LRTM3: variants seen among roughly 807,000 people sequenced by gnomAD.
LRTM3 encodes the protein leucine-rich repeat transmembrane protein 3.
the LRTM3 span, chr13:102,744,953 G>C: frequency 6.4e-7 from 1 of 1,550,434 alleles, no homozygotes; most frequent in Admixed American, 2.0e-5. Flanking sequence ...ACGTTTTATT[G>C]CACCAGTTAA....
the LRTM3 span, chr13:102,733,256 C>A: frequency 6.4e-7 from 1 of 1,551,340 alleles, no homozygotes; most frequent in Non-Finnish European, 8.7e-7. Context: ...GGTGACGATA[C>A]TTATTTTTTT....
the LRTM3 span, chr13:102,737,344 T>G: frequency 1.3e-6 from 2 of 1,551,076 alleles, no homozygotes; most frequent in South Asian, 1.2e-5. Flanking sequence ...AGTCTTCCTC[T>G]CCTTCTTTTC....
chr13:102,739,478 G>A, the LRTM3 span: 12 of 1,550,370 alleles, frequency 7.7e-6, no homozygotes, highest in Middle Eastern at 3.3e-4. Context: ...ACCTGCTTTT[G>A]TTCTTGAATT....
the LRTM3 span, chr13:102,739,444 C>T: frequency 3.2e-6 from 5 of 1,550,310 alleles, no homozygotes; most frequent in Non-Finnish European, 4.4e-6. Context: ...GAAGGCAGCC[C>T]TTTAGAGTTC....
At chr13:102,758,688 C>G in the LRTM3 span, 11 of 1,524,478 alleles carry the variant, frequency 7.2e-6, no homozygotes, top group Non-Finnish European at 8.9e-6. Context: ...GGGAAATCAA[C>G]CATTTATTCT....
the LRTM3 span, chr13:102,736,272 T>C: frequency 2.0e-5 from 31 of 1,550,936 alleles, no homozygotes; most frequent in Non-Finnish European, 2.5e-5. Flanking sequence ...TGTCCTGCTC[T>C]CTCTTTCATG....
At chr13:102,748,723 T>C in the LRTM3 span, 1 of 1,549,764 alleles carries the variant, frequency 6.5e-7, no homozygotes, top group Non-Finnish European at 8.7e-7. Flanking sequence ...CTTGTGTAAT[T>C]GAGTCTTTAA....
chr13:102,743,284 T>C, the LRTM3 span: 4 of 1,550,618 alleles, frequency 2.6e-6, no homozygotes, highest in Admixed American at 7.9e-5. Flanking sequence ...GTGTATGACT[T>C]AACCCTGATA....
the LRTM3 span, among the ~76,000 whole-genome samples, chr13:102,758,257 T>C: frequency 6.6e-6 from 1 of 152,186 alleles, no homozygotes; most frequent in Non-Finnish European, 1.5e-5. Flanking sequence ...GCTTGGAGCA[T>C]AGCAACAATT....
chr13:102,743,250 C>T, the LRTM3 span: 1 of 1,550,698 alleles, frequency 6.4e-7, no homozygotes, highest in East Asian at 2.4e-5. Context: ...ATCCCTTCAG[C>T]TAGTGACTCT....
chr13:102,739,859 T>C, the LRTM3 span: 3 of 1,550,136 alleles, frequency 1.9e-6, no homozygotes, highest in Admixed American at 5.9e-5. Flanking sequence ...CATTCTATGT[T>C]TCACATTGAC....
At chr13:102,735,551 T>G in the LRTM3 span, 2 of 1,551,122 alleles carry the variant, frequency 1.3e-6, no homozygotes, top group Non-Finnish European at 1.7e-6. Context: ...ACTTTTCCAC[T>G]GCAATTTTTT....
chr13:102,735,114 T>C, the LRTM3 span: 3 of 1,551,296 alleles, frequency 1.9e-6, no homozygotes. Context: ...CCTGGCCCAC[T>C]TTTAACTTTC....
chr13:102,731,130 T>A, the LRTM3 span: 5 of 1,551,362 alleles, frequency 3.2e-6, no homozygotes, highest in Non-Finnish European at 4.4e-6. Flanking sequence ...ACTGCAGATG[T>A]TCCATTTTCT....
the LRTM3 span, chr13:102,733,827 G>T: frequency 1.3e-6 from 2 of 1,551,412 alleles, no homozygotes; most frequent in Non-Finnish European, 1.7e-6. Flanking sequence ...GTCAACTGTT[G>T]CTCTGCCTCT....
the LRTM3 span, chr13:102,750,230 G>A: frequency 6.4e-7 from 1 of 1,551,340 alleles, no homozygotes; most frequent in South Asian, 1.2e-5. Context: ...ATTTGAAGAT[G>A]GCACATGACT....
chr13:102,748,654 G>A, the LRTM3 span: 1 of 1,550,538 alleles, frequency 6.4e-7, no homozygotes, highest in Middle Eastern at 1.7e-4. Context: ...TTGGAATATG[G>A]AGATCAAATG....
the LRTM3 span, chr13:102,739,055 A>G: frequency 6.4e-7 from 1 of 1,550,528 alleles, no homozygotes; most frequent in South Asian, 1.2e-5. Context: ...TGAAAGACAG[A>G]ATCTTGTTAT....
the LRTM3 span, chr13:102,735,919 C>A: frequency 1.3e-6 from 2 of 1,541,436 alleles, no homozygotes; most frequent in African/African-American, 2.7e-5. Flanking sequence ...GTACTCCTTC[C>A]CCTTGCTCTT....
Sources: gnomAD v4.1 joint callset for allele counts (sites outside exome capture counted in the v4.1 genomes callset) on GRCh38, gnomAD v4.1.1 for gene constraint, MANE v1.5 for transcripts, NCBI Gene and HGNC (gene_info 2026-07-23, HGNC 2026-07-21) for gene names.